Variants in PDCD6 observed in about 807,000 individuals in gnomAD.
PDCD6 encodes the protein programmed cell death protein 6.
Under a neutral mutation model 28.3 loss-of-function variants are expected in PDCD6, and 12 were observed. That is an observed-to-expected ratio of 0.42 (90% CI 0.27 to 0.69). The LOEUF is 0.69. PDCD6 is among the 30% of genes least tolerant of loss of function. The pLI, the probability that PDCD6 is intolerant of heterozygous loss-of-function variation, is 0.22. For synonymous variants in PDCD6, 92 were observed against 108.0 expected (o/e 0.85, Z 0.92); for missense variants, 226 against 269.9 (o/e 0.84, Z 1.14).
chr5:278,546 CA>C (rs567758415), intron 2 of PDCD6, among the ~76,000 whole-genome samples: 23,975 of 124,702 alleles, frequency 0.19, 3,168 homozygotes, highest in African/African-American at 0.41. Context: ...CTGTCTCTCC[CA>C]AAAAAAAAAA....
chr5:311,370 G>A lies in PDCD6; in HGVS notation c.445G>A (p.Asp149Asn), dbSNP rs368897410. ...DRQGRGQIAF[D>N]DFIQGCIVLQ... ...GCAGGGACGGGGGCAGATTGCCTTC[G>A]ACGACTTCATCCAGGGCTGCATCGT... The change falls in exon 5 of 6, where the codon GAC (aspartate) becomes AAC (asparagine). Residue 149 changes from aspartate to asparagine, a missense_variant. Coordinates refer to ENST00000264933, the MANE Select transcript of PDCD6 (RefSeq NM_013232.4). The A allele has an allele frequency of 3.7e-6, 6 of 1,613,752 alleles. No homozygotes were observed. In the African/African-American group the frequency reaches 4.0e-5, roughly 11 times the overall value.
intron 2 of PDCD6, among the ~76,000 whole-genome samples, chr5:303,896 T>C (rs975739394): frequency 6.6e-6 from 1 of 151,292 alleles, no homozygotes; most frequent in Non-Finnish European, 1.5e-5. Context: ...CTTGGTTATC[T>C]GTTAAATAAG....
intron 2 of PDCD6, among the ~76,000 whole-genome samples, chr5:279,651 G>A (rs1239636655): frequency 6.6e-6 from 1 of 151,974 alleles, no homozygotes; most frequent in Non-Finnish European, 1.5e-5. Flanking sequence ...CAATGTGTGG[G>A]AAGGTGGAGT....
At chr5:282,859 T>C (rs1738675980) in intron 2 of PDCD6, among the ~76,000 whole-genome samples, 1 of 152,004 alleles carries the variant, frequency 6.6e-6, no homozygotes, top group African/African-American at 2.4e-5. Context: ...GCTGATCTTC[T>C]AGTTTGAGGG....
intron 2 of PDCD6, among the ~76,000 whole-genome samples, chr5:286,440 T>A (rs1738970596): frequency 6.6e-6 from 1 of 151,698 alleles, no homozygotes; most frequent in South Asian, 2.1e-4. Context: ...AATGTTCCTG[T>A]TTGAGGTCCT....
chr5:301,878 C>CTGTGTGTGTG (rs1328241317), intron 2 of PDCD6, among the ~76,000 whole-genome samples: 1 of 149,784 alleles, frequency 6.7e-6, no homozygotes. Context: ...TCCAGTGCTG[C>CTGTGTGTGTG]TGTGTGTGTA....
At chr5:279,346 G>T (rs1019586412) in intron 2 of PDCD6, among the ~76,000 whole-genome samples, 2 of 152,122 alleles carry the variant, frequency 1.3e-5, no homozygotes, top group African/African-American at 2.4e-5. Context: ...GGAATGTGTG[G>T]CACTGCCAGG....
intron 2 of PDCD6, among the ~76,000 whole-genome samples, chr5:287,292 C>T (rs1209656220): frequency 2.0e-5 from 3 of 152,112 alleles, no homozygotes. Flanking sequence ...GTCTGAAGTT[C>T]GTGGAGCTAA....
Position 289,927 on chromosome 5 carries a change from C to T in PDCD6, c.164-14250C>T, listed in dbSNP as rs1306307358. ...TTTCTCTGAAGAAGGATAAACACAG[C>T]TAACAACCATCACATCCTTTTCTAC... On this transcript the variant is annotated intron_variant, in intron 2 of 5. Coordinates refer to ENST00000264933, the MANE Select transcript of PDCD6 (RefSeq NM_013232.4). 6.0e-6 allele frequency: 9 copies of T among 1,510,144 alleles called. No individual in the cohort carries two copies. In the East Asian group the frequency reaches 6.8e-5, roughly 11 times the overall value. The allele number at this position is 1,510,144 out of a possible 1,614,324, so 93.5% of individuals were successfully genotyped here.
At chr5:314,356 T>TC (rs1356545859) in intron 5 of PDCD6, 61 bp from the exon 6 acceptor site, 4 of 1,258,364 alleles carry the variant, frequency 3.2e-6, no homozygotes, top group Non-Finnish European at 4.6e-6. Context: ...CATGCCTTTG[T>TC]CCCAGTGCAC....
At chr5:308,693 T>G (rs2126774232) in intron 4 of PDCD6, 2 of 152,352 alleles carry the variant, frequency 1.3e-5, no homozygotes, top group South Asian at 4.1e-4. Flanking sequence ...GAACAAGTGT[T>G]CTGCTCTCAG....
At chr5:290,943 G>C (rs1579507929) in intron 2 of PDCD6, among the ~76,000 whole-genome samples, 2 of 144,414 alleles carry the variant, frequency 1.4e-5, no homozygotes, top group East Asian at 4.0e-4. Flanking sequence ...TGCCTTCTAA[G>C]TATTGAATAG....
chr5:298,540 G>T (rs1470154693), intron 2 of PDCD6, among the ~76,000 whole-genome samples: 1 of 151,728 alleles, frequency 6.6e-6, no homozygotes, highest in Admixed American at 6.6e-5. Flanking sequence ...ATGTGCAGAT[G>T]AGGGATTAGG....
chr5:301,921 GAA>G (rs1740082602), intron 2 of PDCD6, among the ~76,000 whole-genome samples: 2 of 146,034 alleles, frequency 1.4e-5, no homozygotes, highest in South Asian at 2.2e-4. Flanking sequence ...GCCTTTGTGG[GAA>G]GAGCACAGCT....
chr5:306,436 T>C (rs1353330718), intron 3 of PDCD6, 166 bp from the exon 4 acceptor site: 1 of 645,602 alleles, frequency 1.5e-6, no homozygotes, highest in East Asian at 2.8e-5. Context: ...TGACAAGACT[T>C]TAAGGGATTT....
At chr5:276,195 C>G (rs1367998701) in intron 2 of PDCD6, 2 of 1,085,994 alleles carry the variant, frequency 1.8e-6, no homozygotes, top group South Asian at 1.7e-5. Context: ...AGCCACGGCA[C>G]TCCAGCCTGG....
chr5:310,141 G>A (rs909942869), intron 4 of PDCD6: 13 of 181,486 alleles, frequency 7.2e-5, no homozygotes, highest in African/African-American at 3.1e-4. Flanking sequence ...GAGTGAGGAG[G>A]TGGGAGTAGT....
intron 2 of PDCD6, among the ~76,000 whole-genome samples, chr5:297,525 C>G (rs1398493384): frequency 2.0e-5 from 3 of 152,202 alleles, no homozygotes; most frequent in Non-Finnish European, 4.4e-5. Context: ...GAGCTGCACA[C>G]ATTTCATGTG....
chr5:314,849 A>G lies in PDCD6; in HGVS notation c.*334A>G, dbSNP rs964550131. The G allele has an allele frequency of 3.9e-5, 15 of 387,412 alleles. No individual in the cohort carries two copies. In the East Asian group the frequency reaches 7.0e-4, roughly 18 times the overall value. The allele number at this position is 387,412 out of a possible 1,614,324, so 24.0% of individuals were successfully genotyped here. ...ATAGTGCAAATGCTTTTATTAGCCA[A>G]TAGGAATTTTAAAATAACATGGAAC... On this transcript the variant is annotated 3_prime_UTR_variant, in exon 6 of 6. Coordinates refer to ENST00000264933, the MANE Select transcript of PDCD6 (RefSeq NM_013232.4).
Sources: allele counts gnomAD v4.1 joint callset (sites outside exome capture counted in the v4.1 genomes callset), GRCh38; gene constraint gnomAD v4.1.1; transcripts MANE v1.5; gene names NCBI Gene and HGNC (gene_info 2026-07-23, HGNC 2026-07-21).